Variants in GREM2 observed in about 807,000 individuals in gnomAD.
The protein encoded by GREM2 is gremlin-2.
Under a neutral mutation model 14.2 loss-of-function variants are expected in GREM2, and 11 were observed. The ratio of observed to expected loss-of-function variants is 0.78; its 90% CI spans 0.49 to 1.28. The LOEUF (loss-of-function observed/expected upper bound fraction) is 1.28. Ranked by LOEUF, GREM2 falls within the 50% of genes most tolerant of loss-of-function variation. GREM2 has a pLI of 0.00. For missense variants in GREM2, 210 were observed against 218.5 expected (o/e 0.96, Z 0.24); for synonymous variants, 98 against 97.6 (o/e 1.00, Z -0.02).
At chr1:240,507,255 C>T (rs142252464) in intron 1 of GREM2, among the ~76,000 whole-genome samples, 1,828 of 152,216 alleles carry the variant, frequency 0.012, 23 homozygotes, top group Non-Finnish European at 0.015. Context: ...TTCCTTCCCT[C>T]CATTCCTTCC....
At chr1:240,534,514 C>G (rs1678432208) in intron 1 of GREM2, among the ~76,000 whole-genome samples, 1 of 151,850 alleles carries the variant, frequency 6.6e-6, no homozygotes, top group Admixed American at 6.6e-5. Flanking sequence ...ACGGTGAAAC[C>G]CTGTCTCTAC....
In GREM2 at chr1:240,592,214, A is replaced by G. The variant is rs373705891; in HGVS notation, c.-2+19670T>C. On this transcript the variant is annotated intron_variant, in intron 1 of 1. Transcript: ENST00000318160. ...TGAGTGAAATATTACTAATTAGCAC[A>G]TCTCATGATTTTTAGAGTGAAATGC... Among the ~76,000 whole-genome samples the G allele has an allele frequency of 6.6e-5, 10 of 152,336 alleles. No homozygotes were observed. The South Asian group carries it at 2.1e-3, about 32-fold the overall frequency.
At chr1:240,504,911 T>A (rs1677646520) in intron 1 of GREM2, among the ~76,000 whole-genome samples, 1 of 152,136 alleles carries the variant, frequency 6.6e-6, no homozygotes, top group African/African-American at 2.4e-5. Context: ...GTATATGTTA[T>A]ATATATAATA....
chr1:240,494,549 A>G (rs1184313796), intron 1 of GREM2, among the ~76,000 whole-genome samples: 1 of 152,240 alleles, frequency 6.6e-6, no homozygotes, highest in Admixed American at 6.5e-5. Context: ...TAACATTAGC[A>G]TTTAACATCT....
rs368253448 is a variant in GREM2 at position 240,544,120 on chromosome 1, A to G, written c.-1-50644T>C. 1.2e-4 allele frequency among the ~76,000 whole-genome samples: 18 copies of G among 151,172 alleles called. No homozygotes were observed. In the East Asian group the frequency reaches 3.3e-3, roughly 28 times the overall value. ...AGAGATGGTTTAAAGTAGAAGAAAG[A>G]CTGTGCATAGATTATATGCAAGCAC... On this transcript the variant is annotated intron_variant, in intron 1 of 1. Transcript: ENST00000318160.
chr1:240,565,669 C>T lies in GREM2; in HGVS notation c.-2+46215G>A, dbSNP rs187365131. Among the ~76,000 whole-genome samples the T allele has an allele frequency of 2.0e-3, 303 of 151,922 alleles. 1 individual carries two copies. The highest frequency in any genetic ancestry group is 7.1e-3 in the African/African-American group (296 of 41,446). On this transcript the variant is annotated intron_variant, in intron 1 of 1. Coordinates refer to ENST00000318160, the MANE Select transcript of GREM2 (RefSeq NM_022469.4). ...GATCAGCCTGGGTAACATGATGAAA[C>T]CCCATCTCTACCAAAAAATACAAAA...
At chr1:240,560,421 C>T (rs139864212) in intron 1 of GREM2, among the ~76,000 whole-genome samples, 52 of 152,232 alleles carry the variant, frequency 3.4e-4, no homozygotes, top group African/African-American at 1.2e-3. Flanking sequence ...TTCTGGGCTA[C>T]ACTGTAAGCT....
chr1:240,492,802 C>A lies in GREM2; in HGVS notation c.*167G>T. The A allele has an allele frequency of 1.6e-6, 1 of 641,808 alleles. No homozygotes were observed. Among genetic ancestry groups the A allele is most frequent in the Non-Finnish European group, 2.2e-6 (1 of 453,784 alleles). The allele number at this position is 641,808 out of a possible 1,614,324, so 39.8% of individuals were successfully genotyped here. A position where few individuals can be genotyped will look rare whatever the true frequency, so the allele number is the denominator to read the frequency against. On this transcript the variant is annotated 3_prime_UTR_variant, in exon 2 of 2. Transcript: ENST00000318160. ...AACACATCAGCAAAAGCTCCACTTGCGATCCACGTCTGTGACAAGGACACC... is the reference window on the plus strand; with the variant it reads ...AACACATCAGCAAAAGCTCCACTTGAGATCCACGTCTGTGACAAGGACACC...
chr1:240,573,512 G>T (rs1679298803), intron 1 of GREM2, among the ~76,000 whole-genome samples: 2 of 152,090 alleles, frequency 1.3e-5, no homozygotes, highest in African/African-American at 4.8e-5. Context: ...ATTGCATTTA[G>T]ATTTTATTTA....
chr1:240,534,227 T>C (rs1379291494), intron 1 of GREM2, among the ~76,000 whole-genome samples: 3 of 151,964 alleles, frequency 2.0e-5, no homozygotes, highest in Non-Finnish European at 2.9e-5. Context: ...AAATAGAGCA[T>C]ACAAAATGTG....
intron 1 of GREM2, among the ~76,000 whole-genome samples, chr1:240,574,613 A>G (rs1471086442): frequency 6.6e-6 from 1 of 152,208 alleles, no homozygotes; most frequent in Non-Finnish European, 1.5e-5. Context: ...TAATTAGCCT[A>G]GAACTCAGCA....
rs1417450004 is a variant in GREM2 at position 240,489,775 on chromosome 1, T to C, written c.*3194A>G. ...TATACATTCTAAGTTGTTCACACAA[T>C]AGCAAAAGTCATTTTCATTGACTTT... On this transcript the variant is annotated 3_prime_UTR_variant, in exon 2 of 2. Transcript: ENST00000318160. 2 of 152,228 alleles carry C rather than the reference T, an allele frequency of 1.3e-5. No homozygotes were observed. The highest frequency in any genetic ancestry group is 2.9e-5 in the Non-Finnish European group (2 of 68,030). 9.4% of individuals were successfully genotyped at this position (152,228 alleles called of 1,614,324 possible). A position where few individuals can be genotyped will look rare whatever the true frequency, so the allele number is the denominator to read the frequency against.
intron 1 of GREM2, among the ~76,000 whole-genome samples, chr1:240,509,203 C>T (rs183171316): frequency 3.4e-4 from 51 of 152,178 alleles, no homozygotes; most frequent in African/African-American, 1.2e-3. Flanking sequence ...GTGGGCTGTG[C>T]CTTCTGCAGC....
chr1:240,505,801 T>C (rs1403884311), intron 1 of GREM2, among the ~76,000 whole-genome samples: 1 of 151,968 alleles, frequency 6.6e-6, no homozygotes, highest in Non-Finnish European at 1.5e-5. Flanking sequence ...AAACCTATTA[T>C]GAAATAGTTC....
intron 1 of GREM2, among the ~76,000 whole-genome samples, chr1:240,549,145 G>A (rs533386856): frequency 1.1e-4 from 17 of 152,142 alleles, no homozygotes; most frequent in African/African-American, 3.6e-4. Context: ...AAACCAGCCC[G>A]GCCAACATGG....
chr1:240,495,565 G>T (rs1425815777), intron 1 of GREM2, among the ~76,000 whole-genome samples: 1 of 152,070 alleles, frequency 6.6e-6, no homozygotes, highest in East Asian at 1.9e-4. Flanking sequence ...CGTATTTAAT[G>T]ATCTGAGTTC....
chr1:240,601,464 A>G (rs1479464067), intron 1 of GREM2, among the ~76,000 whole-genome samples: 2 of 152,210 alleles, frequency 1.3e-5, no homozygotes, highest in East Asian at 3.8e-4. Context: ...AAGCTTCTTA[A>G]GCCCTCAGTC....
chr1:240,566,559 A>G (rs1328172690), intron 1 of GREM2, among the ~76,000 whole-genome samples: 1 of 152,182 alleles, frequency 6.6e-6, no homozygotes, highest in East Asian at 1.9e-4. Flanking sequence ...GTGAGATGAG[A>G]GAGAGGTGCA....
chr1:240,520,149 C>T (rs1370927344), intron 1 of GREM2, among the ~76,000 whole-genome samples: 1 of 151,636 alleles, frequency 6.6e-6, no homozygotes, highest in Non-Finnish European at 1.5e-5. Flanking sequence ...GAATTGCTCT[C>T]CCACTTATAA....
Sources: gnomAD v4.1 joint callset for allele counts (sites outside exome capture counted in the v4.1 genomes callset) on GRCh38, gnomAD v4.1.1 for gene constraint, MANE v1.5 for transcripts, NCBI Gene and HGNC (gene_info 2026-07-23, HGNC 2026-07-21) for gene names.